Variants in RFX2 observed in about 807,000 individuals in gnomAD.
RFX2 encodes DNA-binding protein RFX2.
In RFX2, 20 loss-of-function variants were observed where a neutral mutation model predicts 87.8. The ratio of observed to expected loss-of-function variants is 0.23; its 90% CI spans 0.16 to 0.33. RFX2 has a LOEUF of 0.33. Ranked by LOEUF, RFX2 falls within the 10% of genes least tolerant of loss-of-function variation. RFX2 has a pLI of 1.00. For missense variants in RFX2, 767 were observed against 1,012.3 expected, an observed-to-expected ratio of 0.76 and a Z score of 3.29; for synonymous variants, 397 against 431.3, an observed-to-expected ratio of 0.92 and a Z score of 0.98.
chr19:6,039,861 G>A lies in RFX2; in HGVS notation c.522+119C>T. 8.0e-7 allele frequency: 1 copy of A among 1,255,566 alleles called. No individual in the cohort carries two copies. Among genetic ancestry groups the A allele is most frequent in the Non-Finnish European group, 1.1e-6 (1 of 932,116 alleles). The allele number at this position is 1,255,566 out of a possible 1,614,324, so 77.8% of individuals were successfully genotyped here. A position where few individuals can be genotyped will look rare whatever the true frequency, so the allele number is the denominator to read the frequency against. ...CCGACTCCATCGTGGGGCCGCCTGG[G>A]CCCAGAGCAGACGACAGCCCCTCCG... On this transcript the variant is annotated intron_variant, in intron 5 of 17. Coordinates refer to ENST00000303657, the MANE Select transcript of RFX2 (RefSeq NM_000635.4). This position sits in a 1 kb window ranked among gnomAD's most constrained non-coding sequence, Gnocchi z 5.2.
chr19:6,032,059 T>A (rs1242891490), intron 5 of RFX2, among the ~76,000 whole-genome samples: 1 of 152,198 alleles, frequency 6.6e-6, no homozygotes, highest in African/African-American at 2.4e-5. Flanking sequence ...AAGGAGCCAA[T>A]TCAAGTTAAA....
intron 1 of RFX2, among the ~76,000 whole-genome samples, chr19:6,071,746 A>G (rs1243448148): frequency 1.8e-5 from 2 of 113,652 alleles, no homozygotes; most frequent in African/African-American, 5.6e-5. Flanking sequence ...AGGTTTTTAA[A>G]CTAAATTAGT....
intron 1 of RFX2, among the ~76,000 whole-genome samples, chr19:6,048,220 G>A (rs1411246687): frequency 6.6e-6 from 1 of 152,202 alleles, no homozygotes; most frequent in Non-Finnish European, 1.5e-5. Context: ...AAGTCCTCAC[G>A]AATTTTGGCA....
In RFX2 at chr19:6,039,719, C is replaced by A. The variant is rs2087076505; in HGVS notation, c.522+261G>T. On this transcript the variant is annotated intron_variant, in intron 5 of 17. Coordinates refer to ENST00000303657, the MANE Select transcript of RFX2 (RefSeq NM_000635.4). This position sits in a 1 kb window ranked among gnomAD's most constrained non-coding sequence, Gnocchi z 5.2. ...CCAGTGGAGAGATGCTTGACTCATTCCCTTTTCACAACAGCCCATGACGCA... is the reference window on the plus strand; with the variant it reads ...CCAGTGGAGAGATGCTTGACTCATTACCTTTTCACAACAGCCCATGACGCA... Among the ~76,000 whole-genome samples, 1 of 152,224 alleles carries A rather than the reference C, an allele frequency of 6.6e-6. No homozygotes were observed. The highest frequency in any genetic ancestry group is 2.1e-4 in the South Asian group (1 of 4,828).
intron 1 of RFX2, among the ~76,000 whole-genome samples, chr19:6,076,067 G>A (rs933317051): frequency 6.6e-6 from 1 of 152,226 alleles, no homozygotes; most frequent in Non-Finnish European, 1.5e-5. Flanking sequence ...GTTGGGGGCG[G>A]TGGCTCATGC....
chr19:6,051,221 A>G (rs1234160240), intron 1 of RFX2, among the ~76,000 whole-genome samples: 1 of 152,040 alleles, frequency 6.6e-6, no homozygotes, highest in Non-Finnish European at 1.5e-5. Flanking sequence ...AATGATAAAT[A>G]CGCAGGTAAT....
In RFX2 at chr19:6,047,273, CA is replaced by C; in HGVS notation, c.90+133del. On this transcript the variant is annotated intron_variant, in intron 2 of 17. Transcript: ENST00000303657. The surrounding 1 kb of genome is among the most constrained non-coding windows in gnomAD (Gnocchi z 4.2). ...AAGGAAATTGTGCCTATTTCAACAG[CA>C]GCAGCACTGGGACTGAGAAGTCCAT... is the stretch of plus-strand genomic sequence containing the variant. 1 of 663,372 alleles carries C rather than the reference CA, an allele frequency of 1.5e-6. No individual in the cohort carries two copies. The highest frequency in any genetic ancestry group is 2.5e-6 in the Non-Finnish European group (1 of 404,306). The allele number at this position is 663,372 out of a possible 1,614,324, so 41.1% of individuals were successfully genotyped here.
Position 6,002,315 on chromosome 19 carries a change from T to A in RFX2, c.1651-292A>T, listed in dbSNP as rs2086501004. ...TTCAAAGGGGTCACTTCTAAATGTA[T>A]GTGTGTGCGTTTATTTATTTAATGG... On this transcript the variant is annotated intron_variant, in intron 14 of 17. Coordinates refer to ENST00000303657, the MANE Select transcript of RFX2 (RefSeq NM_000635.4). The surrounding 1 kb of genome is among the most constrained non-coding windows in gnomAD (Gnocchi z 6.7). 1.3e-5 allele frequency among the ~76,000 whole-genome samples: 2 copies of A among 152,230 alleles called. No homozygotes were observed. Among genetic ancestry groups the A allele is most frequent in the South Asian group, 4.1e-4 (2 of 4,830 alleles).
At chr19:6,028,853 T>C (rs774336021) in intron 5 of RFX2, among the ~76,000 whole-genome samples, 1 of 152,154 alleles carries the variant, frequency 6.6e-6, no homozygotes, top group Non-Finnish European at 1.5e-5. Context: ...GGCATGTGGA[T>C]TGCTTGAGGC....
chr19:6,016,809 T>C lies in RFX2; in HGVS notation c.598-538A>G, dbSNP rs2086732104. Among the ~76,000 whole-genome samples the C allele has an allele frequency of 6.6e-6, 1 of 152,226 alleles. No homozygotes were observed. The highest frequency in any genetic ancestry group is 1.5e-5 in the Non-Finnish European group (1 of 68,046). ...CTGGTTTTCAGGTTCCTGGACTTAA[T>C]TTGTAAACATCTGGGTGTGATCAGG... On this transcript the variant is annotated intron_variant, in intron 6 of 17. Coordinates refer to ENST00000303657, the MANE Select transcript of RFX2 (RefSeq NM_000635.4). The surrounding 1 kb of genome is among the most constrained non-coding windows in gnomAD (Gnocchi z 5.4).
chr19:6,008,369 CTTTT>C (rs1284080399), intron 9 of RFX2, 145 bp from the exon 10 acceptor site: 1 of 469,016 alleles, frequency 2.1e-6, no homozygotes, highest in Admixed American at 3.8e-5. Flanking sequence ...CTTTCTTTTT[CTTTT>C]TCTTTTTTTT....
chr19:6,007,856 C>T lies in RFX2; in HGVS notation c.1135-54G>A, dbSNP rs146335690. 4.1e-6 allele frequency: 5 copies of T among 1,233,582 alleles called. No homozygotes were observed. The African/African-American group carries it at 4.5e-5, about 11-fold the overall frequency. 76.4% of individuals were successfully genotyped at this position (1,233,582 alleles called of 1,614,324 possible). A position where few individuals can be genotyped will look rare whatever the true frequency, so the allele number is the denominator to read the frequency against. ...CGGGTGCGTGCGCCCATCACGTGCA[C>T]TCAGCACACGTCAAGTGAGCAGCCG... On this transcript the variant is annotated intron_variant, in intron 10 of 17. Transcript: ENST00000303657. This position sits in a 1 kb window ranked among gnomAD's most constrained non-coding sequence, Gnocchi z 8.2.
Position 5,997,189 on chromosome 19 carries a change from G to A in RFX2, c.1884C>T (p.Thr628=). Reference sequence around the variant, plus strand: ...AGCCGAAGCTGGCAGCGCTGCGCAGGGTCAGGTCCCGGATCACCATGGAGC... The same window carrying A: ...AGCCGAAGCTGGCAGCGCTGCGCAGAGTCAGGTCCCGGATCACCATGGAGC... ...FYSSMVIRDL[T]LRSAASFGSF... The change falls in exon 16 of 18, where the codon ACC becomes ACT. Residue 628 remains threonine (T), a synonymous_variant. Transcript: ENST00000303657. The surrounding 1 kb of genome is among the most constrained non-coding windows in gnomAD (Gnocchi z 4.2). The A allele has an allele frequency of 6.2e-7, 1 of 1,612,432 alleles. No homozygotes were observed.
chr19:6,075,785 C>T (rs917103203), intron 1 of RFX2, among the ~76,000 whole-genome samples: 14 of 152,244 alleles, frequency 9.2e-5, no homozygotes, highest in East Asian at 3.9e-4. Flanking sequence ...GTCCAGGATT[C>T]GGGGAGTGAG....
At chr19:6,041,941 G>C (rs536936010) in intron 4 of RFX2, 103 bp downstream of exon 4, 12 of 879,050 alleles carry the variant, frequency 1.4e-5, no homozygotes, top group Non-Finnish European at 2.3e-5. Flanking sequence ...TGAACACATC[G>C]CCAAAAGCAT....
intron 1 of RFX2, among the ~76,000 whole-genome samples, chr19:6,084,156 TA>T (rs888368091): frequency 6.6e-6 from 1 of 152,270 alleles, no homozygotes; most frequent in Non-Finnish European, 1.5e-5. Flanking sequence ...GCATGGAAAC[TA>T]AATGAGTTCG....
rs775823852 is a variant in RFX2, at chr19:6,002,904, G to T, written c.1501-34C>A. 1.6e-5 allele frequency: 25 copies of T among 1,582,050 alleles called. No individual in the cohort carries two copies. Among genetic ancestry groups the T allele is most frequent in the South Asian group, 2.3e-5 (2 of 88,178 alleles). On this transcript the variant is annotated intron_variant, in intron 13 of 17. Coordinates refer to ENST00000303657, the MANE Select transcript of RFX2 (RefSeq NM_000635.4). The surrounding 1 kb of genome is among the most constrained non-coding windows in gnomAD (Gnocchi z 6.7). The stretch of plus-strand genomic sequence containing the variant: ...CAGGGCTCGTGGTGAGCAGGGGTTC[G>T]CAGGGAGAGCCTGTTCCGCTGCGCT...
intron 1 of RFX2, among the ~76,000 whole-genome samples, chr19:6,070,401 C>A (rs969340240): frequency 6.6e-6 from 1 of 151,992 alleles, no homozygotes; most frequent in Non-Finnish European, 1.5e-5. Context: ...TCCTGGTCCC[C>A]AGTCCCATTC....
Position 6,039,918 on chromosome 19 carries a change from G to A in RFX2, c.522+62C>T, listed in dbSNP as rs2087081238. The A allele has an allele frequency of 3.4e-6, 5 of 1,465,430 alleles. No individual in the cohort carries two copies. The highest frequency in any genetic ancestry group is 4.6e-6 in the Non-Finnish European group (5 of 1,094,846). 90.8% of individuals were successfully genotyped at this position (1,465,430 alleles called of 1,614,324 possible). On this transcript the variant is annotated intron_variant, in intron 5 of 17. Coordinates refer to ENST00000303657, the MANE Select transcript of RFX2 (RefSeq NM_000635.4). The surrounding 1 kb of genome is among the most constrained non-coding windows in gnomAD (Gnocchi z 5.2). The stretch of plus-strand genomic sequence containing the variant: ...CGGCTGCCTCTTACTCACCATCCCT[G>A]CTGCCGCTGCTTCGAGAATACTCAT...
Sources: allele counts gnomAD v4.1 joint callset (sites outside exome capture counted in the v4.1 genomes callset), GRCh38; gene constraint gnomAD v4.1.1; non-coding constraint Gnocchi (gnomAD v3.1); transcripts MANE v1.5; gene names NCBI Gene and HGNC (gene_info 2026-07-23, HGNC 2026-07-21).